The following C10orf67 variants were observed in gnomAD, a reference collection of about 807,000 sequenced individuals.
The protein encoded by C10orf67 is chromosome 10 open reading frame 67.
Under a neutral mutation model 35.6 loss-of-function variants are expected in C10orf67, and 60 were observed. The ratio of observed to expected loss-of-function variants is 1.68; its 90% CI spans 1.37 to 2.09. The LOEUF (loss-of-function observed/expected upper bound fraction) is 2.09, where lower values mean the gene tolerates loss of function less well. Ranked by LOEUF, C10orf67 falls within the 30% of genes most tolerant of loss-of-function variation. C10orf67 has a pLI of 0.00. For missense variants in C10orf67, 474 were observed against 330.2 expected (o/e 1.44, Z -3.38); for synonymous variants, 167 against 115.8 (o/e 1.44, Z -2.84).
chr10:23,237,632 C>T (rs2132133896), intron 13 of C10orf67, among the ~76,000 whole-genome samples: 1 of 152,294 alleles, frequency 6.6e-6, no homozygotes, highest in African/African-American at 2.4e-5. Context: ...CATGCAATAA[C>T]ATGGGTGGAT....
chr10:23,291,176 A>G lies in C10orf67; in HGVS notation c.806T>C (p.Leu269Pro), dbSNP rs1312015130. Residue 269 changes from leucine (L) to proline (P), a missense_variant, in exon 6 of 16, where the codon CTT becomes CCT. Leu to Pro is a moderately conservative substitution (Grantham distance 98). Transcript: ENST00000636213. ...NERLLQIISE[L>P]EEEIQINLKE... is the part of the protein sequence containing the mutation. Reference sequence around the variant, plus strand: ...TAGATTGATCTGGATTTCTTCTTCAAGCTCTGAAATGATCTGAAGCAGCCT... The same window carrying G: ...TAGATTGATCTGGATTTCTTCTTCAGGCTCTGAAATGATCTGAAGCAGCCT... 1.4e-6 allele frequency: 1 copy of G among 715,472 alleles called. No homozygotes were observed. Among genetic ancestry groups the G allele is most frequent in the Non-Finnish European group, 2.6e-6 (1 of 384,594 alleles). 44.3% of individuals were successfully genotyped at this position (715,472 alleles called of 1,614,324 possible). A position where few individuals can be genotyped will look rare whatever the true frequency, so the allele number is the denominator to read the frequency against.
chr10:23,283,489 C>G (rs764905136), intron 7 of C10orf67, among the ~76,000 whole-genome samples: 7 of 152,166 alleles, frequency 4.6e-5, no homozygotes, highest in Non-Finnish European at 1.0e-4. Flanking sequence ...TTCCTCCCTC[C>G]CATTAATTTT....
At chr10:23,226,863 A>G (rs1224660229) in intron 13 of C10orf67, among the ~76,000 whole-genome samples, 1 of 152,246 alleles carries the variant, frequency 6.6e-6, no homozygotes, top group Non-Finnish European at 1.5e-5. Context: ...ATTCCTGGAC[A>G]CATACACCTT....
At chr10:23,211,763 T>C (rs577369378) in intron 15 of C10orf67, among the ~76,000 whole-genome samples, 7 of 152,276 alleles carry the variant, frequency 4.6e-5, no homozygotes, top group African/African-American at 1.7e-4. Context: ...AGAGAACTGA[T>C]TTGAACACAT....
intron 10 of C10orf67, among the ~76,000 whole-genome samples, chr10:23,253,045 C>T (rs1842501736): frequency 1.3e-5 from 2 of 151,480 alleles, no homozygotes; most frequent in Admixed American, 6.6e-5. Flanking sequence ...TGCTTGCTGC[C>T]ATCCATGTAA....
At chr10:23,239,985 A>T (rs113694534) in intron 12 of C10orf67, among the ~76,000 whole-genome samples, 169 bp from the exon 13 acceptor site, 190 of 152,304 alleles carry the variant, frequency 1.2e-3, no homozygotes, top group African/African-American at 4.4e-3. Context: ...TTAAAACTAC[A>T]TGTTGCCTGG....
chr10:23,334,759 C>T (rs1174096577), intron 1 of C10orf67, among the ~76,000 whole-genome samples: 1 of 152,190 alleles, frequency 6.6e-6, no homozygotes, highest in Non-Finnish European at 1.5e-5. Flanking sequence ...TAGACTCCTA[C>T]AAAGGGGGCA....
At chr10:23,295,342 C>T (rs1843850767) in intron 5 of C10orf67, among the ~76,000 whole-genome samples, 1 of 152,160 alleles carries the variant, frequency 6.6e-6, no homozygotes, top group Non-Finnish European at 1.5e-5. Context: ...TCCAGCTGGG[C>T]CAGGTAACCA....
At position 23,239,792 on chromosome 10, in the gene C10orf67, C is replaced by T. The variant is rs1265252774; in HGVS notation, c.1371G>A (p.Met457Ile). 1.6e-6 allele frequency: 1 copy of T among 630,266 alleles called. No homozygotes were observed. The highest frequency in any genetic ancestry group is 2.8e-5 in the East Asian group (1 of 36,182). 39.0% of individuals were successfully genotyped at this position (630,266 alleles called of 1,614,324 possible). A position where few individuals can be genotyped will look rare whatever the true frequency, so the allele number is the denominator to read the frequency against. Residue 457 changes from methionine (M) to isoleucine (I), a missense_variant, in exon 13 of 16, where the codon ATG becomes ATA. By Grantham distance (10) the Met-to-Ile change is conservative (BLOSUM62 1). Transcript: ENST00000636213. ...RNSFHVLKNE[M>I]FTRHTLFRQF... ...GACGAAACAGTGTGTGCCTTGTAAA[C>T]ATCTCATTCTTAAGGACATGAAAGC...
At chr10:23,206,198 C>T (rs974028948) in intron 15 of C10orf67, among the ~76,000 whole-genome samples, 4 of 152,128 alleles carry the variant, frequency 2.6e-5, no homozygotes, top group Non-Finnish European at 5.9e-5. Context: ...ATGGTTACCC[C>T]TTTTCAAAAC....
intron 13 of C10orf67, among the ~76,000 whole-genome samples, chr10:23,236,253 G>GGAAAAAAAA (rs1842047414): frequency 5.3e-5 from 4 of 75,796 alleles, no homozygotes; most frequent in African/African-American, 2.4e-4. Flanking sequence ...CCTCTCGGGG[G>GGAAAAAAAA]AAAAAAAAAA....
At chr10:23,294,551 C>T (rs1843821614) in intron 5 of C10orf67, among the ~76,000 whole-genome samples, 1 of 152,150 alleles carries the variant, frequency 6.6e-6, no homozygotes, top group Non-Finnish European at 1.5e-5. Flanking sequence ...AAAACCTGAA[C>T]ATTTCATCCC....
chr10:23,232,569 C>T (rs1841940605), intron 13 of C10orf67, among the ~76,000 whole-genome samples: 1 of 152,104 alleles, frequency 6.6e-6, no homozygotes, highest in Non-Finnish European at 1.5e-5. Context: ...TGCTCATGGG[C>T]TTAGACTATT....
In C10orf67 at chr10:23,248,356, C is replaced by G. The variant is rs367886172; in HGVS notation, c.1346+2099G>C. Reference sequence around the variant, plus strand: ...GTGCGACAATGATGACATAGGCAGTCGCATCAGGCTTGGCACACCAAGAGG... The same window carrying G: ...GTGCGACAATGATGACATAGGCAGTGGCATCAGGCTTGGCACACCAAGAGG... On this transcript the variant is annotated intron_variant, in intron 12 of 15. Coordinates refer to ENST00000636213, the MANE Select transcript of C10orf67 (RefSeq NM_001371909.1). Among the ~76,000 whole-genome samples, 31 of 152,276 alleles carry G rather than the reference C, an allele frequency of 2.0e-4. No individual in the cohort carries two copies. The South Asian group carries it at 4.8e-3, about 23-fold the overall frequency.
At chr10:23,313,132 A>G (rs573479477) in intron 4 of C10orf67, among the ~76,000 whole-genome samples, 115 of 152,328 alleles carry the variant, frequency 7.5e-4, no homozygotes, top group African/African-American at 2.8e-3. Flanking sequence ...ACCTTTTCCT[A>G]AAAGTCTTCC....
At chr10:23,268,858 G>A (rs1400668550) in intron 8 of C10orf67, among the ~76,000 whole-genome samples, 1 of 152,160 alleles carries the variant, frequency 6.6e-6, no homozygotes, top group Non-Finnish European at 1.5e-5. Context: ...GAATATTGTA[G>A]GCAACTATAA....
chr10:23,259,626 T>C (rs1283701777), intron 10 of C10orf67, among the ~76,000 whole-genome samples: 1 of 152,088 alleles, frequency 6.6e-6, no homozygotes, highest in African/African-American at 2.4e-5. Flanking sequence ...TTGAAAGAAC[T>C]ATAATCAAAA....
chr10:23,223,232 C>T (rs373928966), intron 15 of C10orf67, among the ~76,000 whole-genome samples: 10 of 152,030 alleles, frequency 6.6e-5, no homozygotes, highest in African/African-American at 2.4e-4. Flanking sequence ...TGCCACCATG[C>T]CTGGCTAATT....
intron 5 of C10orf67, among the ~76,000 whole-genome samples, chr10:23,294,304 A>G (rs1354756287): frequency 1.3e-5 from 2 of 152,084 alleles, no homozygotes; most frequent in Non-Finnish European, 2.9e-5. Context: ...CAGTGTTGGG[A>G]TAAGAAAAAT....
Sources: allele counts gnomAD v4.1 joint callset (sites outside exome capture counted in the v4.1 genomes callset), GRCh38; gene constraint gnomAD v4.1.1; transcripts MANE v1.5; gene names NCBI Gene and HGNC (gene_info 2026-07-23, HGNC 2026-07-21).